SAMD4A: variants seen among roughly 807,000 people sequenced by gnomAD.
SAMD4A encodes the protein sterile alpha motif domain containing 4A, also known as protein Smaug homolog 1.
Under a neutral mutation model 81.3 loss-of-function variants are expected in SAMD4A, and 33 were observed. That is an observed-to-expected ratio of 0.41 (90% CI 0.31 to 0.54). SAMD4A has a LOEUF of 0.54. SAMD4A is among the 20% of genes least tolerant of loss of function. SAMD4A has a pLI of 0.37. For missense variants in SAMD4A, 854 were observed against 951.1 expected (o/e 0.90, Z 1.34); for synonymous variants, 389 against 382.1 (o/e 1.02, Z -0.21).
chr14:54,652,753 T>C (rs1274222667), intron 2 of SAMD4A: 1 of 152,178 alleles, frequency 6.6e-6, no homozygotes, highest in Non-Finnish European at 1.5e-5. Context: ...TACTATATTG[T>C]TCCCTTTAAG....
At chr14:54,742,740 C>T (rs1489171229) in intron 4 of SAMD4A, among the ~76,000 whole-genome samples, 1 of 152,072 alleles carries the variant, frequency 6.6e-6, no homozygotes, top group African/African-American at 2.4e-5. Context: ...TGTTAGCACA[C>T]AAATGTAGAA....
chr14:54,578,682 A>T (rs530635291), intron 2 of SAMD4A, among the ~76,000 whole-genome samples: 1 of 152,202 alleles, frequency 6.6e-6, no homozygotes, highest in Non-Finnish European at 1.5e-5. Context: ...ACTGCACTCC[A>T]GCCTGGGTGA....
At chr14:54,619,665 C>G (rs576088947) in intron 2 of SAMD4A, among the ~76,000 whole-genome samples, 2 of 152,250 alleles carry the variant, frequency 1.3e-5, no homozygotes, top group East Asian at 3.9e-4. Flanking sequence ...TGATAGGTCC[C>G]AGTGTCTGTT....
In SAMD4A at chr14:54,772,477, C is replaced by T. The variant is rs186598090; in HGVS notation, c.1715+2255C>T. ...AGATGGCCTAGCCAAATTCTCCCCT[C>T]ATCACGTCCTACTCCCCTCCCCTAT... On this transcript the variant is annotated intron_variant, in intron 9 of 12. Transcript: ENST00000554335. Among the ~76,000 whole-genome samples the T allele has an allele frequency of 9.7e-4, 148 of 152,284 alleles. 1 individual carries two copies. Among genetic ancestry groups the T allele is most frequent in the Middle Eastern group, 3.4e-3 (1 of 294 alleles).
At chr14:54,626,594 G>A (rs1187275703) in intron 2 of SAMD4A, among the ~76,000 whole-genome samples, 1 of 152,040 alleles carries the variant, frequency 6.6e-6, no homozygotes, top group Non-Finnish European at 1.5e-5. Flanking sequence ...CCTTAAACCT[G>A]CTTTTGGAAA....
At chr14:54,718,083 G>C (rs1025650038) in intron 3 of SAMD4A, among the ~76,000 whole-genome samples, 2 of 152,052 alleles carry the variant, frequency 1.3e-5, no homozygotes, top group African/African-American at 4.8e-5. Context: ...GCAATTCAGA[G>C]ACCAGGCTAA....
At chr14:54,776,338 A>T in intron 10 of SAMD4A, 76 bp from the exon 11 acceptor site, 1 of 1,495,940 alleles carries the variant, frequency 6.7e-7, no homozygotes, top group South Asian at 1.3e-5. Context: ...TTTGCCTCCC[A>T]AATTCTTGCT....
chr14:54,608,709 C>T (rs979266712), intron 2 of SAMD4A, among the ~76,000 whole-genome samples: 1 of 152,188 alleles, frequency 6.6e-6, no homozygotes, highest in Non-Finnish European at 1.5e-5. Context: ...GAGTTACATT[C>T]AGAGCAGCCC....
intron 2 of SAMD4A, among the ~76,000 whole-genome samples, chr14:54,639,628 T>C (rs1307746133): frequency 6.6e-6 from 1 of 152,234 alleles, no homozygotes; most frequent in Non-Finnish European, 1.5e-5. Flanking sequence ...CACTTTTATG[T>C]GGAGTCTTCA....
At chr14:54,612,741 A>G (rs2034391270) in intron 2 of SAMD4A, among the ~76,000 whole-genome samples, 2 of 152,190 alleles carry the variant, frequency 1.3e-5, no homozygotes, top group African/African-American at 4.8e-5. Flanking sequence ...GGATTTGGGT[A>G]TAAGGGGCTA....
At chr14:54,606,329 C>G (rs1237634004) in intron 2 of SAMD4A, among the ~76,000 whole-genome samples, 1 of 152,208 alleles carries the variant, frequency 6.6e-6, no homozygotes, top group Non-Finnish European at 1.5e-5. Context: ...ACCCTGCCAT[C>G]CTGATTGGCC....
Position 54,737,168 on chromosome 14 carries a change from A to T in SAMD4A, c.860A>T (p.Asp287Val), listed in dbSNP as rs752569720. 13 of 1,614,044 alleles carry T rather than the reference A, an allele frequency of 8.1e-6. No homozygotes were observed. In the South Asian group the frequency reaches 1.4e-4, roughly 18 times the overall value. ...AGAGGACCCCAGTGCCTCCCATCCG[A>T]TCATGCCCCCCTGTCTCCACAAAGC... ...RARGPQCLPS[D>V]HAPLSPQSSV... The change falls in exon 4 of 13, where the codon GAT becomes GTT. Residue 287 changes from aspartate to valine, a missense_variant. By Grantham distance (152) the Asp-to-Val change is radical. This residue lies in a region of SAMD4A where 387 missense variants were observed against 405.8 expected (regional missense o/e 0.95). Transcript: ENST00000554335.
intron 2 of SAMD4A, among the ~76,000 whole-genome samples, chr14:54,681,281 G>T (rs965056144): frequency 5.3e-5 from 8 of 150,912 alleles, no homozygotes; most frequent in Non-Finnish European, 7.4e-5. Flanking sequence ...ATGTGATAAT[G>T]TTTAGAAAGA....
At chr14:54,647,498 A>G (rs1037872775) in intron 2 of SAMD4A, among the ~76,000 whole-genome samples, 16 of 152,244 alleles carry the variant, frequency 1.1e-4, no homozygotes, top group African/African-American at 3.9e-4. Context: ...GCTTGGCACC[A>G]TTCAATATTG....
intron 4 of SAMD4A, among the ~76,000 whole-genome samples, chr14:54,738,874 G>A (rs776542674): frequency 2.0e-5 from 3 of 152,092 alleles, no homozygotes; most frequent in Non-Finnish European, 4.4e-5. Context: ...CCTGTGTTGC[G>A]GTTCTAGTTG....
At chr14:54,690,034 G>A (rs977548824) in intron 2 of SAMD4A, 8 of 152,244 alleles carry the variant, frequency 5.3e-5, no homozygotes, top group Admixed American at 1.3e-4. Flanking sequence ...AATAGAAAAA[G>A]TGCATGAATC....
At position 54,737,156 on chromosome 14, in the gene SAMD4A, G is replaced by A. The variant is rs1481309663; in HGVS notation, c.848G>A (p.Cys283Tyr). 3 of 1,614,110 alleles carry A rather than the reference G, an allele frequency of 1.9e-6. No individual in the cohort carries two copies. The highest frequency in any genetic ancestry group is 2.5e-6 in the Non-Finnish European group (3 of 1,180,024). Residue 283 changes from cysteine (C) to tyrosine (Y), a missense_variant, in exon 4 of 13, where the codon TGC (cysteine) becomes TAC (tyrosine). Cys to Tyr is a radical substitution (Grantham distance 194). This residue lies in a region of SAMD4A where 387 missense variants were observed against 405.8 expected (regional missense o/e 0.95). Coordinates refer to ENST00000554335, the MANE Select transcript of SAMD4A (RefSeq NM_015589.6). ...HEDLRARGPQ[C>Y]LPSDHAPLSP... ...GACTTACGAGCTAGAGGACCCCAGT[G>A]CCTCCCATCCGATCATGCCCCCCTG...
intron 2 of SAMD4A, among the ~76,000 whole-genome samples, chr14:54,687,554 G>A (rs993385552): frequency 6.6e-5 from 10 of 152,188 alleles, no homozygotes; most frequent in South Asian, 2.1e-4. Context: ...TTACTAAGCC[G>A]GTGACACAGA....
intron 2 of SAMD4A, among the ~76,000 whole-genome samples, chr14:54,665,705 T>C (rs928892091): frequency 6.6e-6 from 1 of 152,222 alleles, no homozygotes; most frequent in Non-Finnish European, 1.5e-5. Flanking sequence ...CATTAATTCC[T>C]GATTGATAGT....
Sources: gnomAD v4.1 joint callset for allele counts (sites outside exome capture counted in the v4.1 genomes callset) on GRCh38, gnomAD v4.1.1 for gene constraint, gnomAD v4.1.1 regional missense constraint, MANE v1.5 for transcripts, NCBI Gene and HGNC (gene_info 2026-07-23, HGNC 2026-07-21) for gene names.